Variants in NOP9 observed in about 807,000 individuals in gnomAD.
NOP9 encodes nucleolar protein 9.
In NOP9, 50 loss-of-function variants were observed where a neutral mutation model predicts 63.0. That is an observed-to-expected ratio of 0.79 (90% CI 0.63 to 1.00). The LOEUF (loss-of-function observed/expected upper bound fraction) is 1.00, where lower values mean the gene tolerates loss of function less well. NOP9 is among the 50% of genes least tolerant of loss of function. The pLI is 0.00. For synonymous variants in NOP9, 343 were observed against 332.8 expected (o/e 1.03, Z -0.33); for missense variants, 758 against 803.0 (o/e 0.94, Z 0.68).
At position 24,306,366 on chromosome 14, in the gene NOP9, C is replaced by T; in HGVS notation, c.*1271C>T. ...GCATTGGAAGCAGCCCCAGTATAGGCCTCTTACCCTTGTAGGGCTCCAGCT... is the reference window on the plus strand; with the variant it reads ...GCATTGGAAGCAGCCCCAGTATAGGTCTCTTACCCTTGTAGGGCTCCAGCT... On this transcript the variant is annotated 3_prime_UTR_variant, in exon 10 of 10. Coordinates refer to ENST00000267425, the MANE Select transcript of NOP9 (RefSeq NM_174913.3). 2.4e-5 allele frequency: 39 copies of T among 1,614,170 alleles called. No individual in the cohort carries two copies. The highest frequency in any genetic ancestry group is 3.2e-5 in the Non-Finnish European group (38 of 1,180,024).
chr14:24,305,213 T>C lies in NOP9; in HGVS notation c.*118T>C. 9.0e-7 allele frequency: 1 copy of C among 1,117,096 alleles called. No homozygotes were observed. Among genetic ancestry groups the C allele is most frequent in the Non-Finnish European group, 1.2e-6 (1 of 835,416 alleles). The allele number at this position is 1,117,096 out of a possible 1,614,324, so 69.2% of individuals were successfully genotyped here. On this transcript the variant is annotated 3_prime_UTR_variant, in exon 10 of 10. Coordinates refer to ENST00000267425, the MANE Select transcript of NOP9 (RefSeq NM_174913.3). ...TAGTGGTAAATATTTGATATTTTTA[T>C]TGGAAATGTTTTTGTTAGTTTGAGG... is the stretch of plus-strand genomic sequence containing the variant.
chr14:24,292,823 T>G, the NOP9 span: 13 of 1,592,652 alleles, frequency 8.2e-6, no homozygotes, highest in Non-Finnish European at 1.1e-5. Flanking sequence ...TGAACCGTGT[T>G]AGTGCTGGCC....
Position 24,303,802 on chromosome 14 carries a change from A to T in NOP9, c.1355A>T (p.Tyr452Phe). ...CVPLFATLMA[Y>F]EVYYGLTEEE... ...CCTCTCTTTGCCACTTTGATGGCTT[A>T]TGAGGTGTACTATGGACTGACGGAG... The change falls in exon 7 of 10, where the codon TAT (tyrosine) becomes TTT (phenylalanine). Residue 452 changes from tyrosine to phenylalanine, a missense_variant. Physicochemically the swap from Tyr to Phe is conservative, Grantham distance 22 (BLOSUM62 3). Coordinates refer to ENST00000267425, the MANE Select transcript of NOP9 (RefSeq NM_174913.3). The T allele has an allele frequency of 1.2e-6, 2 of 1,614,188 alleles. No homozygotes were observed. Among genetic ancestry groups the T allele is most frequent in the Non-Finnish European group, 1.7e-6 (2 of 1,180,034 alleles).
At position 24,306,590 on chromosome 14, in the gene NOP9, A is replaced by C. The variant is rs1431540433; in HGVS notation, c.*1495A>C. The C allele has an allele frequency of 1.9e-6, 3 of 1,601,484 alleles. No homozygotes were observed. Among genetic ancestry groups the C allele is most frequent in the African/African-American group, 2.7e-5 (2 of 74,790 alleles). ...TGCCCCTTCCCTCTTTAGCTGCCCA[A>C]CATCCATCAGTTGGCTCTAGACATT... On this transcript the variant is annotated 3_prime_UTR_variant, in exon 10 of 10. Coordinates refer to ENST00000267425, the MANE Select transcript of NOP9 (RefSeq NM_174913.3).
At chr14:24,299,557 G>T (rs2041327218), upstream of NOP9, 1 of 231,652 alleles carries the variant, frequency 4.3e-6, no homozygotes, top group African/African-American at 2.3e-5. Context: ...TAAGCCCTAA[G>T]TGGGACGAGC....
upstream of NOP9, chr14:24,299,667 G>A: frequency 5.3e-6 from 2 of 375,376 alleles, no homozygotes; most frequent in East Asian, 8.1e-5. Context: ...CGGCGACGTG[G>A]AGGCAGTGTT....
In NOP9 at chr14:24,306,027, G is replaced by C; in HGVS notation, c.*932G>C. On this transcript the variant is annotated 3_prime_UTR_variant, in exon 10 of 10. Coordinates refer to ENST00000267425, the MANE Select transcript of NOP9 (RefSeq NM_174913.3). Reference sequence around the variant, plus strand: ...CGTAGAATGTGGCTTTGACATTCAGGCTGCCAAAGAGGTCTCGAGGGTTTT... The same window carrying C: ...CGTAGAATGTGGCTTTGACATTCAGCCTGCCAAAGAGGTCTCGAGGGTTTT... The C allele has an allele frequency of 6.2e-7, 1 of 1,614,158 alleles. No individual in the cohort carries two copies. Among genetic ancestry groups the C allele is most frequent in the Non-Finnish European group, 8.5e-7 (1 of 1,180,024 alleles).
chr14:24,303,915 T>C (rs956959608), intron 7 of NOP9, 58 bp downstream of exon 7: 15 of 1,604,078 alleles, frequency 9.4e-6, no homozygotes, highest in Non-Finnish European at 1.3e-5. Flanking sequence ...TCCCAGGGTT[T>C]AGCAAGCGTC....
chr14:24,273,253 A>G, the NOP9 span, among the ~76,000 whole-genome samples: 4 of 144,798 alleles, frequency 2.8e-5, no homozygotes, highest in African/African-American at 1.0e-4. Flanking sequence ...ATCTCTGCTT[A>G]CTGCAACCTC....
At chr14:24,286,289 C>T in the NOP9 span, among the ~76,000 whole-genome samples, 1 of 152,250 alleles carries the variant, frequency 6.6e-6, no homozygotes, top group East Asian at 1.9e-4. Context: ...GACTCTGCCT[C>T]CTACAATGTC....
At chr14:24,295,723 C>T (rs2041238464), upstream of NOP9, among the ~76,000 whole-genome samples, 2 of 152,218 alleles carry the variant, frequency 1.3e-5, no homozygotes, top group African/African-American at 2.4e-5. Context: ...CACCATCCTC[C>T]TCTGTCCTAA....
rs1376731906 is a variant in NOP9 at position 24,303,723 on chromosome 14, C to G, written c.1285-9C>G. ...TCTCAGGTTCATCATATTCTGTCTTCTCCTTTAGGCATTCCACTGTGCAGA... is the reference window on the plus strand; with the variant it reads ...TCTCAGGTTCATCATATTCTGTCTTGTCCTTTAGGCATTCCACTGTGCAGA... On this transcript the variant is annotated splice_polypyrimidine_tract_variant and intron_variant, in intron 6 of 9. Coordinates refer to ENST00000267425, the MANE Select transcript of NOP9 (RefSeq NM_174913.3). 2 of 1,611,454 alleles carry G rather than the reference C, an allele frequency of 1.2e-6. No individual in the cohort carries two copies. Among genetic ancestry groups the G allele is most frequent in the Non-Finnish European group, 1.7e-6 (2 of 1,177,814 alleles).
chr14:24,300,183 G>C lies in NOP9; in HGVS notation c.229G>C (p.Glu77Gln), dbSNP rs201129797. Residue 77 changes from glutamate to glutamine, a missense_variant, in exon 1 of 10, where the codon GAG (glutamate) becomes CAG (glutamine). Coordinates refer to ENST00000267425, the MANE Select transcript of NOP9 (RefSeq NM_174913.3). Reference protein sequence around the residue: ...RALSALKEAPETGEERDLMVH... With the variant: ...RALSALKEAPQTGEERDLMVH... ...GCTGTCAGCATTGAAAGAGGCTCCC[G>C]AGACTGGGGAAGAACGAGGTAGGCA... The C allele has an allele frequency of 6.1e-5, 98 of 1,614,042 alleles. No homozygotes were observed. In the East Asian group the frequency reaches 2.1e-3, roughly 35 times the overall value.
rs778569376 is a variant in NOP9 at position 24,302,015 on chromosome 14, G to A, written c.859G>A (p.Val287Ile). Reference protein sequence around the residue: ...SSFCLQVALQVLHRKLPQFCA... With the variant: ...SSFCLQVALQILHRKLPQFCA... ...CTTCTGTCTTCAAGTGGCTTTACAG[G>A]TTTTACACCGCAAACTTCCCCAGTT... is the stretch of plus-strand genomic sequence containing the variant. The change falls in exon 4 of 10, where the codon GTT becomes ATT. Residue 287 changes from valine to isoleucine, a missense_variant. By Grantham distance (29) the Val-to-Ile change is conservative. Coordinates refer to ENST00000267425, the MANE Select transcript of NOP9 (RefSeq NM_174913.3). 7 of 1,614,020 alleles carry A rather than the reference G, an allele frequency of 4.3e-6. No individual in the cohort carries two copies. The highest frequency in any genetic ancestry group is 2.2e-5 in the East Asian group (1 of 44,880).
the NOP9 span, among the ~76,000 whole-genome samples, chr14:24,275,927 A>G: frequency 1.3e-5 from 2 of 152,222 alleles, no homozygotes; most frequent in Admixed American, 6.5e-5. Context: ...GCACTGTCCG[A>G]TAGAACTTTC....
chr14:24,301,897 A>G (rs1430805351), intron 3 of NOP9, 68 bp from the exon 4 acceptor site: 4 of 1,549,502 alleles, frequency 2.6e-6, no homozygotes, highest in Admixed American at 1.8e-5. Flanking sequence ...CTTGTTGCCT[A>G]AAGTTTGAGG....
At position 24,300,846 on chromosome 14, in the gene NOP9, C is replaced by T; in HGVS notation, c.686C>T (p.Ser229Phe). The change falls in exon 2 of 10, where the codon TCC (serine) becomes TTC (phenylalanine). Residue 229 changes from serine to phenylalanine, a missense_variant. Physicochemically the swap from Ser to Phe is radical, Grantham distance 155. Transcript: ENST00000267425. Reference protein sequence around the residue: ...LESERARPRGSQSSEAQKTPA... With the variant: ...LESERARPRGFQSSEAQKTPA... The stretch of plus-strand genomic sequence containing the variant: ...TCTGAGAGAGCCAGGCCCCGTGGTT[C>T]CCAATCATCTGGTAAGTATTACAAG... 6.2e-7 allele frequency: 1 copy of T among 1,612,288 alleles called. No homozygotes were observed. The highest frequency in any genetic ancestry group is 8.5e-7 in the Non-Finnish European group (1 of 1,178,790).
At chr14:24,282,558 G>C in the NOP9 span, among the ~76,000 whole-genome samples, 1 of 152,148 alleles carries the variant, frequency 6.6e-6, no homozygotes, top group African/African-American at 2.4e-5. Flanking sequence ...GGCCCTCTAG[G>C]GATGCTCAGG....
rs371509099 is a variant in NOP9, at chr14:24,305,650, G to A, written c.*555G>A. 1.1e-5 allele frequency: 17 copies of A among 1,613,592 alleles called. No individual in the cohort carries two copies. In the African/African-American group the frequency reaches 1.3e-4, roughly 13 times the overall value. On this transcript the variant is annotated 3_prime_UTR_variant, in exon 10 of 10. Coordinates refer to ENST00000267425, the MANE Select transcript of NOP9 (RefSeq NM_174913.3). ...AGAGCCCCTTAGTAGGAATGGAGGC[G>A]GCCCTTCTGCTGCCACTGCTCAGCC...
Sources: allele counts gnomAD v4.1 joint callset (sites outside exome capture counted in the v4.1 genomes callset), GRCh38; gene constraint gnomAD v4.1.1; transcripts MANE v1.5; gene names NCBI Gene and HGNC (gene_info 2026-07-23, HGNC 2026-07-21).